ALK: variants seen among roughly 807,000 people sequenced by gnomAD.
The protein encoded by ALK is ALK receptor tyrosine kinase.
Under a neutral mutation model 163.1 loss-of-function variants are expected in ALK, and 74 were observed. That is an observed-to-expected ratio of 0.45 (90% CI 0.38 to 0.55). ALK has a LOEUF of 0.55. ALK is among the 20% of genes least tolerant of loss of function. The pLI is 0.00. For synonymous variants in ALK, 960 were observed against 843.2 expected (o/e 1.14, Z -2.40); for missense variants, 2,063 against 2,105.3 (o/e 0.98, Z 0.39).
intron 1 of ALK, among the ~76,000 whole-genome samples, chr2:29,728,562 A>T (rs1393200640): frequency 6.6e-6 from 1 of 152,164 alleles, no homozygotes; most frequent in Non-Finnish European, 1.5e-5. Flanking sequence ...ACACAACCCT[A>T]TGAGAACGTA....
chr2:29,727,598 A>G (rs145715176), intron 1 of ALK, among the ~76,000 whole-genome samples: 23 of 152,368 alleles, frequency 1.5e-4, no homozygotes, highest in South Asian at 1.0e-3. Context: ...CAGTATCTAC[A>G]AAGCCCTCAG....
chr2:29,530,062 CTTTTTTTTT>C (rs10536963), intron 4 of ALK, among the ~76,000 whole-genome samples: 55 of 101,904 alleles, frequency 5.4e-4, no homozygotes, highest in African/African-American at 1.5e-3. Context: ...AATAATCGCT[CTTTTTTTTT>C]TTTTTTTTTT....
intron 2 of ALK, among the ~76,000 whole-genome samples, chr2:29,714,280 G>A (rs1039371576): frequency 2.6e-5 from 4 of 152,046 alleles, no homozygotes; most frequent in African/African-American, 7.2e-5. Context: ...ACACAAAGGC[G>A]AGAAACGACT....
chr2:29,306,132 A>G (rs1193333797), intron 8 of ALK, among the ~76,000 whole-genome samples: 3 of 152,216 alleles, frequency 2.0e-5, no homozygotes, highest in African/African-American at 4.8e-5. Context: ...ATATGAAGTC[A>G]TTTGTTAATT....
chr2:29,652,758 G>A lies in ALK; in HGVS notation c.952+42092C>T, dbSNP rs7573870. Among the ~76,000 whole-genome samples the A allele has an allele frequency of 3.6e-3, 552 of 152,252 alleles. 3 individuals carry two copies. The highest frequency in any genetic ancestry group is 0.013 in the African/African-American group (521 of 41,564). On this transcript the variant is annotated intron_variant, in intron 3 of 28. Coordinates refer to ENST00000389048, the MANE Select transcript of ALK (RefSeq NM_004304.5). ...AACTCCAAAGAACAGGGTTCAGAGA[G>A]CTTGTGGGTAGCTGAACATCTGGAA...
rs200450396 is a variant in ALK, at chr2:29,535,689, G to A, written c.953-3573C>T. 3.2e-4 allele frequency among the ~76,000 whole-genome samples: 48 copies of A among 152,252 alleles called. No homozygotes were observed. In the East Asian group the frequency reaches 8.5e-3, roughly 27 times the overall value. Reference sequence around the variant, plus strand: ...AACCTGGAATCAGAAGGACTAAACTGGAGTAGCTCTGCTACTACCAACCTT... The same window carrying A: ...AACCTGGAATCAGAAGGACTAAACTAGAGTAGCTCTGCTACTACCAACCTT... On this transcript the variant is annotated intron_variant, in intron 3 of 28. Transcript: ENST00000389048.
chr2:29,609,712 C>T (rs1675637687), intron 3 of ALK, among the ~76,000 whole-genome samples: 1 of 151,344 alleles, frequency 6.6e-6, no homozygotes, highest in African/African-American at 2.4e-5. Flanking sequence ...AGCACAATAA[C>T]AGCTCACTAT....
At chr2:29,224,687 C>T (rs1425740827) in intron 19 of ALK, 7 of 220,252 alleles carry the variant, frequency 3.2e-5, no homozygotes, top group Admixed American at 5.8e-5. Flanking sequence ...ACCTGAGGAT[C>T]GAATGAATTG....
intron 1 of ALK, among the ~76,000 whole-genome samples, chr2:29,781,510 C>T (rs1167886170): frequency 6.6e-6 from 1 of 152,222 alleles, no homozygotes; most frequent in Non-Finnish European, 1.5e-5. Context: ...GCAATAGGCA[C>T]ACTTTTTAAG....
chr2:29,217,523 C>A (rs552876370), intron 23 of ALK, among the ~76,000 whole-genome samples: 97 of 152,208 alleles, frequency 6.4e-4, no homozygotes, highest in African/African-American at 2.3e-3. Flanking sequence ...GTTTCCACAA[C>A]AGGCACGGCT....
At chr2:29,510,514 T>G (rs1171913925) in intron 4 of ALK, among the ~76,000 whole-genome samples, 3 of 152,220 alleles carry the variant, frequency 2.0e-5, no homozygotes, top group Non-Finnish European at 4.4e-5. Context: ...TTTTATTTGC[T>G]GTAAATGGAA....
At chr2:29,859,215 C>A (rs1405965412) in intron 1 of ALK, among the ~76,000 whole-genome samples, 4 of 152,100 alleles carry the variant, frequency 2.6e-5, no homozygotes, top group African/African-American at 9.7e-5. Context: ...GGATAGGAAC[C>A]CTCTCTAGGT....
rs74807303 is a variant in ALK at position 29,481,783 on chromosome 2, G to C, written c.1154+50132C>G. Among the ~76,000 whole-genome samples the C allele has an allele frequency of 8.1e-3, 1,240 of 152,264 alleles. 21 individuals are homozygous for C. The highest frequency in any genetic ancestry group is 0.029 in the African/African-American group (1,198 of 41,544). ...GTTCACAGCTCTCCTGCTCAGAAAA[G>C]TGATAAGTGACAGGAAGGACTATTG... is the stretch of plus-strand genomic sequence containing the variant. On this transcript the variant is annotated intron_variant, in intron 4 of 28. Coordinates refer to ENST00000389048, the MANE Select transcript of ALK (RefSeq NM_004304.5).
rs2148154408 is a variant in ALK, at chr2:29,209,483, G to C, written c.3836+303C>G. 2.0e-5 allele frequency among the ~76,000 whole-genome samples: 3 copies of C among 150,966 alleles called. 1 individual carries two copies. The highest frequency in any genetic ancestry group is 6.8e-3 in the Middle Eastern group (2 of 294). ...CTTGAACCCGGGAGGCAGAGGTTGT[G>C]GTGAGCCGAGTTCGTGCCATGGCAC... On this transcript the variant is annotated intron_variant, in intron 25 of 28. Transcript: ENST00000389048.
intron 4 of ALK, among the ~76,000 whole-genome samples, chr2:29,434,214 A>G (rs914307263): frequency 2.0e-5 from 3 of 152,184 alleles, no homozygotes; most frequent in Non-Finnish European, 4.4e-5. Flanking sequence ...CCTAATCTCA[A>G]TCTTATATAT....
intron 23 of ALK, among the ~76,000 whole-genome samples, chr2:29,215,112 G>A (rs1362320629): frequency 6.6e-6 from 1 of 152,224 alleles, no homozygotes; most frequent in Non-Finnish European, 1.5e-5. Context: ...TTAAGCTGGT[G>A]ACTCTTGAGC....
chr2:29,779,092 CT>C (rs1681261272), intron 1 of ALK, among the ~76,000 whole-genome samples: 1 of 151,866 alleles, frequency 6.6e-6, no homozygotes, highest in East Asian at 1.9e-4. Context: ...GGAGGCGGAG[CT>C]TGCAGTGAGC....
At chr2:29,611,271 G>A (rs1271899234) in intron 3 of ALK, among the ~76,000 whole-genome samples, 1 of 152,158 alleles carries the variant, frequency 6.6e-6, no homozygotes, top group Non-Finnish European at 1.5e-5. Flanking sequence ...GGAGGCTACA[G>A]AGAAGAACTT....
chr2:29,398,761 G>C (rs1318770578), intron 4 of ALK, among the ~76,000 whole-genome samples: 1 of 152,174 alleles, frequency 6.6e-6, no homozygotes, highest in African/African-American at 2.4e-5. Flanking sequence ...ACAAAGGCTG[G>C]AAAGATGGAA....
Sources: allele counts gnomAD v4.1 joint callset (sites outside exome capture counted in the v4.1 genomes callset), GRCh38; gene constraint gnomAD v4.1.1; transcripts MANE v1.5; gene names NCBI Gene and HGNC (gene_info 2026-07-23, HGNC 2026-07-21).